COLEC10: variants seen among roughly 807,000 people sequenced by gnomAD.
The protein encoded by COLEC10 is collectin-10.
Under a neutral mutation model 28.4 loss-of-function variants are expected in COLEC10, and 22 were observed. That is an observed-to-expected ratio of 0.78 (90% CI 0.55 to 1.11). The LOEUF (loss-of-function observed/expected upper bound fraction) is 1.11. Ranked by LOEUF, COLEC10 falls within the 50% of genes least tolerant of loss-of-function variation. The pLI is 0.00. For synonymous variants in COLEC10, 125 were observed against 116.1 expected (o/e 1.08, Z -0.49); for missense variants, 361 against 344.1 (o/e 1.05, Z -0.39).
rs143597668 is a variant in COLEC10 at position 119,082,156 on chromosome 8, T to C, written c.149-7524T>C. Among the ~76,000 whole-genome samples the C allele has an allele frequency of 1.8e-3, 271 of 152,204 alleles. 2 individuals carry two copies. The highest frequency in any genetic ancestry group is 3.4e-3 in the Middle Eastern group (1 of 292). Reference sequence around the variant, plus strand: ...TGGAAATTAGAGCATGACTGTAATATTGAGAGACAAAGGTAAATTAGAAGA... The same window carrying C: ...TGGAAATTAGAGCATGACTGTAATACTGAGAGACAAAGGTAAATTAGAAGA... On this transcript the variant is annotated intron_variant, in intron 1 of 5. Coordinates refer to ENST00000332843, the MANE Select transcript of COLEC10 (RefSeq NM_006438.5).
At chr8:119,103,711 G>T in intron 4 of COLEC10, 89 bp from the exon 5 acceptor site, 1 of 775,838 alleles carries the variant, frequency 1.3e-6, no homozygotes, top group East Asian at 2.5e-5. Context: ...ACTAGAAAAA[G>T]ATAGTGAATA....
At chr8:119,082,372 G>T (rs1815387220) in intron 1 of COLEC10, among the ~76,000 whole-genome samples, 1 of 152,178 alleles carries the variant, frequency 6.6e-6, no homozygotes, top group Non-Finnish European at 1.5e-5. Context: ...TTGTCATTAA[G>T]CTCACATTTA....
intron 1 of COLEC10, among the ~76,000 whole-genome samples, chr8:119,076,753 A>T (rs1344060922): frequency 2.0e-5 from 3 of 152,204 alleles, no homozygotes; most frequent in Non-Finnish European, 4.4e-5. Context: ...ATTTAGAAAA[A>T]GATTTTGCCA....
At chr8:118,975,341 T>G in the COLEC10 span, among the ~76,000 whole-genome samples, 140 of 152,156 alleles carry the variant, frequency 9.2e-4, no homozygotes, top group African/African-American at 2.9e-3. Flanking sequence ...TACACAGCAT[T>G]TCTAAATTCC....
chr8:118,986,201 C>T, the COLEC10 span, among the ~76,000 whole-genome samples: 1 of 152,040 alleles, frequency 6.6e-6, no homozygotes, highest in African/African-American at 2.4e-5. Context: ...AAGACTTTAA[C>T]AAAAGTTTAT....
At chr8:119,052,724 G>T (rs1301086358) in intron 2 of COLEC10, among the ~76,000 whole-genome samples, 1 of 152,044 alleles carries the variant, frequency 6.6e-6, no homozygotes, top group Admixed American at 6.6e-5. Context: ...TCAGGGAAGA[G>T]AAAAATAAGA....
At chr8:119,104,000 T>C (rs1563745345) in intron 5 of COLEC10, 105 bp downstream of exon 5, 4 of 822,404 alleles carry the variant, frequency 4.9e-6, no homozygotes, top group South Asian at 1.6e-5. Flanking sequence ...CAAAGGGCTA[T>C]TGAGATAGTG....
intron 2 of COLEC10, among the ~76,000 whole-genome samples, chr8:119,025,111 G>A (rs1814166883): frequency 2.6e-5 from 4 of 152,130 alleles, no homozygotes. Context: ...TTGGCCTCTA[G>A]CTCAAATCTA....
At chr8:119,093,901 T>TC (rs1262613042) in intron 3 of COLEC10, among the ~76,000 whole-genome samples, 2 of 152,214 alleles carry the variant, frequency 1.3e-5, no homozygotes, top group East Asian at 3.9e-4. Context: ...TGCTCCAGTT[T>TC]CCCTCAACAT....
At chr8:118,968,389 C>A in the COLEC10 span, among the ~76,000 whole-genome samples, 2,311 of 151,978 alleles carry the variant, frequency 0.015, 47 homozygotes, top group African/African-American at 0.053. Flanking sequence ...ATGCAATAGA[C>A]AGGAGTCACC....
At chr8:119,014,950 G>A (rs560702894) in intron 2 of COLEC10, among the ~76,000 whole-genome samples, 8 of 150,696 alleles carry the variant, frequency 5.3e-5, no homozygotes, top group South Asian at 2.1e-4. Context: ...CTCCACTTAC[G>A]TTGCACAACT....
chr8:119,068,586 G>C (rs1187640515), intron 1 of COLEC10: 5 of 152,120 alleles, frequency 3.3e-5, no homozygotes, highest in African/African-American at 1.2e-4. Flanking sequence ...GAAAATTAAA[G>C]TTTTCCTTGT....
intron 1 of COLEC10, among the ~76,000 whole-genome samples, chr8:119,071,794 T>C (rs1416494386): frequency 1.3e-5 from 2 of 152,164 alleles, no homozygotes; most frequent in African/African-American, 4.8e-5. Context: ...ATATTTTTGA[T>C]TAAATGAATC....
At chr8:119,004,933 G>A (rs925474123) in intron 1 of COLEC10, among the ~76,000 whole-genome samples, 3 of 151,958 alleles carry the variant, frequency 2.0e-5, no homozygotes, top group African/African-American at 2.4e-5. Flanking sequence ...CTATTTATTG[G>A]TCTTTATACT....
chr8:119,085,223 C>T (rs1815448869), intron 1 of COLEC10, among the ~76,000 whole-genome samples: 1 of 152,080 alleles, frequency 6.6e-6, no homozygotes, highest in African/African-American at 2.4e-5. Flanking sequence ...CAGGAGTAGG[C>T]AGGTTGGGTA....
At chr8:118,980,111 A>G in the COLEC10 span, among the ~76,000 whole-genome samples, 1 of 152,118 alleles carries the variant, frequency 6.6e-6, no homozygotes, top group Non-Finnish European at 1.5e-5. Context: ...AAATGAGTCA[A>G]TAAGGTTAGA....
At chr8:118,970,207 AT>A in the COLEC10 span, among the ~76,000 whole-genome samples, 1 of 152,072 alleles carries the variant, frequency 6.6e-6, no homozygotes, top group African/African-American at 2.4e-5. Flanking sequence ...CTTGAGTTTA[AT>A]AAGTAGCCAT....
At chr8:119,072,514 GTCACTAGC>G (rs1216963266) in intron 1 of COLEC10, among the ~76,000 whole-genome samples, 1 of 152,166 alleles carries the variant, frequency 6.6e-6, no homozygotes, top group African/African-American at 2.4e-5. Context: ...GAATTATTAA[GTCACTAGC>G]TCAAGGCCAC....
chr8:119,096,246 A>G (rs982715854), intron 3 of COLEC10, among the ~76,000 whole-genome samples: 4 of 152,178 alleles, frequency 2.6e-5, no homozygotes, highest in African/African-American at 9.7e-5. Context: ...TAAACAGGAT[A>G]TGACAAAGAC....
Sources: gnomAD v4.1 joint callset for allele counts (sites outside exome capture counted in the v4.1 genomes callset) on GRCh38, gnomAD v4.1.1 for gene constraint, MANE v1.5 for transcripts, NCBI Gene and HGNC (gene_info 2026-07-23, HGNC 2026-07-21) for gene names.